Variants in AGBL4 observed in about 807,000 individuals in gnomAD.
AGBL4 encodes cytosolic carboxypeptidase 6.
Under a neutral mutation model 66.4 loss-of-function variants are expected in AGBL4, and 58 were observed. The ratio of observed to expected loss-of-function variants is 0.87; its 90% confidence interval spans 0.71 to 1.09. AGBL4 has a LOEUF of 1.09. Ranked by LOEUF, AGBL4 falls within the 50% of genes least tolerant of loss-of-function variation. The probability of loss-of-function intolerance (pLI) is 0.00; values close to 1 mark genes in which losing one functional copy is unlikely to be tolerated. For missense variants in AGBL4, 579 were observed against 631.0 expected, an observed-to-expected ratio of 0.92 and a Z score of 0.88; for synonymous variants, 234 against 222.9, an observed-to-expected ratio of 1.05 and a Z score of -0.44.
At chr1:49,729,685 A>C (rs1649285208) in intron 2 of AGBL4, among the ~76,000 whole-genome samples, 1 of 152,244 alleles carries the variant, frequency 6.6e-6, no homozygotes, top group African/African-American at 2.4e-5. Flanking sequence ...CATAACTAGC[A>C]GCAATATATA....
At chr1:49,263,533 A>T in intron 3 of AGBL4, among the ~76,000 whole-genome samples, 1 of 152,156 alleles carries the variant, frequency 6.6e-6, no homozygotes, top group East Asian at 1.9e-4. Context: ...AAATATATGA[A>T]TAGATGATTA....
At chr1:48,997,338 AC>A (rs1661094819) in intron 5 of AGBL4, among the ~76,000 whole-genome samples, 1 of 152,200 alleles carries the variant, frequency 6.6e-6, no homozygotes, top group South Asian at 2.1e-4. Flanking sequence ...TTCCATTCTA[AC>A]AAAAGGAAAG....
At chr1:49,658,567 A>T (rs988107255) in intron 3 of AGBL4, among the ~76,000 whole-genome samples, 7 of 152,226 alleles carry the variant, frequency 4.6e-5, no homozygotes, top group Admixed American at 4.6e-4. Flanking sequence ...ACATATGTTT[A>T]TTGTGGCACT....
intron 6 of AGBL4, among the ~76,000 whole-genome samples, chr1:48,667,359 A>G (rs1362219247): frequency 6.6e-6 from 1 of 152,188 alleles, no homozygotes; most frequent in Non-Finnish European, 1.5e-5. Context: ...CAGCCTATGG[A>G]GAAGCCCACA....
intron 3 of AGBL4, among the ~76,000 whole-genome samples, chr1:49,498,802 C>G (rs969444195): frequency 1.3e-5 from 2 of 151,876 alleles, no homozygotes; most frequent in African/African-American, 4.8e-5. Context: ...TTGTCAGATG[C>G]CTTTTCTTCA....
At chr1:49,983,836 G>T (rs562067521) in intron 1 of AGBL4, among the ~76,000 whole-genome samples, 2 of 152,136 alleles carry the variant, frequency 1.3e-5, no homozygotes, top group South Asian at 2.1e-4. Context: ...GTGACTCCCA[G>T]TCCCAATCAC....
At chr1:49,950,086 A>G (rs12117538) in intron 1 of AGBL4, among the ~76,000 whole-genome samples, 30 of 128,064 alleles carry the variant, frequency 2.3e-4, no homozygotes, top group South Asian at 1.4e-3. Context: ...ACATATGTGT[A>G]TATATATACA....
intron 5 of AGBL4, among the ~76,000 whole-genome samples, chr1:48,930,702 A>C (rs1654966489): frequency 6.6e-6 from 1 of 152,182 alleles, no homozygotes; most frequent in Admixed American, 6.5e-5. Context: ...CACATTTAAG[A>C]GGGCTTGTAT....
chr1:49,948,712 A>C (rs1243376508), intron 1 of AGBL4, among the ~76,000 whole-genome samples: 1 of 150,806 alleles, frequency 6.6e-6, no homozygotes. Context: ...ATGGAAGCAC[A>C]TCCTATGTTC....
intron 4 of AGBL4, among the ~76,000 whole-genome samples, chr1:49,200,464 T>C (rs1031261184): frequency 6.6e-6 from 1 of 152,170 alleles, no homozygotes; most frequent in Non-Finnish European, 1.5e-5. Context: ...CTGAAGATAG[T>C]GTCAGATCCC....
chr1:48,716,758 C>T (rs1297359740), intron 6 of AGBL4, among the ~76,000 whole-genome samples: 1 of 152,040 alleles, frequency 6.6e-6, no homozygotes, highest in Non-Finnish European at 1.5e-5. Flanking sequence ...AGGCTTGGGG[C>T]GAAGGTACTG....
At chr1:49,409,698 A>C (rs1487813627) in intron 3 of AGBL4, among the ~76,000 whole-genome samples, 7 of 152,222 alleles carry the variant, frequency 4.6e-5, no homozygotes, top group Admixed American at 1.3e-4. Flanking sequence ...AATTGTTAAA[A>C]GACATTATTA....
intron 6 of AGBL4, among the ~76,000 whole-genome samples, chr1:48,851,784 A>G (rs754284754): frequency 2.6e-5 from 4 of 152,188 alleles, no homozygotes; most frequent in Non-Finnish European, 4.4e-5. Context: ...AGAGAAGTGC[A>G]TCAGGCTTTT....
At chr1:48,782,696 A>G (rs1645324913) in intron 6 of AGBL4, among the ~76,000 whole-genome samples, 2 of 152,202 alleles carry the variant, frequency 1.3e-5, no homozygotes, top group Non-Finnish European at 2.9e-5. Flanking sequence ...CCACACAGGT[A>G]TAGCCTCCTT....
At position 48,603,795 on chromosome 1, in the gene AGBL4, G is replaced by A. The variant is rs145196179; in HGVS notation, c.952-12810C>T. 1.0e-3 allele frequency among the ~76,000 whole-genome samples: 152 copies of A among 151,782 alleles called. 1 individual carries two copies. The highest frequency in any genetic ancestry group is 3.5e-3 in the African/African-American group (146 of 41,474). On this transcript the variant is annotated intron_variant, in intron 9 of 13. Transcript: ENST00000371839. ...GTGAGAACTAATTTAAAAATGATAA[G>A]GTCCTCAATTAAAGCAAGGGCTAGC...
chr1:48,767,221 C>CCTGTCTGAGACTCAG (rs1197241011), intron 6 of AGBL4, among the ~76,000 whole-genome samples: 1 of 152,124 alleles, frequency 6.6e-6, no homozygotes, highest in African/African-American at 2.4e-5. Flanking sequence ...AGCTAGTTAA[C>CCTGTCTGAGACTCAG]CTGTCTGAGA....
rs553088293 is a variant in AGBL4, at chr1:49,188,360, A to G, written c.377+57410T>C. 3.3e-5 allele frequency among the ~76,000 whole-genome samples: 5 copies of G among 152,232 alleles called. No homozygotes were observed. In the East Asian group the frequency reaches 5.8e-4, roughly 18 times the overall value. On this transcript the variant is annotated intron_variant, in intron 4 of 13. Coordinates refer to ENST00000371839, the MANE Select transcript of AGBL4 (RefSeq NM_032785.4). ...TGGAGATTATGCCAGGCAATTGCAC[A>G]TTTTATTGTCATAGACTATTTACTT...
intron 3 of AGBL4, among the ~76,000 whole-genome samples, chr1:49,456,698 A>G (rs1053437054): frequency 1.3e-5 from 2 of 151,534 alleles, no homozygotes; most frequent in Admixed American, 6.6e-5. Context: ...ACTGTATCCA[A>G]TGTGGAGTCT....
chr1:49,136,177 C>T (rs1646006987), intron 4 of AGBL4, among the ~76,000 whole-genome samples: 1 of 152,120 alleles, frequency 6.6e-6, no homozygotes, highest in Admixed American at 6.6e-5. Context: ...AACACAACTA[C>T]AACAACAGAA....
Sources: gnomAD v4.1 joint callset for allele counts (sites outside exome capture counted in the v4.1 genomes callset) on GRCh38, gnomAD v4.1.1 for gene constraint, MANE v1.5 for transcripts, NCBI Gene and HGNC (gene_info 2026-07-23, HGNC 2026-07-21) for gene names.